The following TMEM8B variants were observed in gnomAD, a reference collection of about 807,000 sequenced individuals.
TMEM8B encodes the protein nasopharyngeal carcinoma expressed 6.
A neutral mutation model predicts 49.3 loss-of-function variants in TMEM8B; 29 were observed. That is an observed-to-expected ratio of 0.59 (90% CI 0.44 to 0.80). The LOEUF is 0.80. Among genes scored for constraint, TMEM8B ranks in the 30% least tolerant of loss-of-function variants. The probability of loss-of-function intolerance (pLI) is 0.00; values close to 1 mark genes in which losing one functional copy is unlikely to be tolerated. For missense variants in TMEM8B, 575 were observed against 658.5 expected, an observed-to-expected ratio of 0.87 and a Z score of 1.39; for synonymous variants, 264 against 272.8, an observed-to-expected ratio of 0.97 and a Z score of 0.32.
Position 35,841,099 on chromosome 9 carries a change from C to T in TMEM8B, c.907-35C>T. ...CTTGGTTTAGTCACACCCCTGCTGT[C>T]TCTCCCTCTCCTGCCACCCCTGCTT... On this transcript the variant is annotated intron_variant, in intron 3 of 12. Coordinates refer to ENST00000643932, the MANE Select transcript of TMEM8B (RefSeq NM_001042590.4). The surrounding 1 kb of genome is among the most constrained non-coding windows in gnomAD (Gnocchi z 5.9). The T allele has an allele frequency of 2.4e-6, 1 of 415,384 alleles. No homozygotes were observed. Among genetic ancestry groups the T allele is most frequent in the African/African-American group, 2.1e-5 (1 of 48,772 alleles). The allele number at this position is 415,384 out of a possible 1,614,324, so 25.7% of individuals were successfully genotyped here.
rs372498717 is a variant in TMEM8B at position 35,837,113 on chromosome 9, GA to G, written c.906+1897del. On this transcript the variant is annotated intron_variant, in intron 3 of 12. Coordinates refer to ENST00000643932, the MANE Select transcript of TMEM8B (RefSeq NM_001042590.4). ...CTATGGCATGCTTCCTGTAAGGCTT[GA>G]ACACAGGAATTTATGTGGGTTTAGG... Among the ~76,000 whole-genome samples, 258 of 152,222 alleles carry G rather than the reference GA, an allele frequency of 1.7e-3. 1 individual carries two copies. Among genetic ancestry groups the G allele is most frequent in the African/African-American group, 5.8e-3 (239 of 41,514 alleles).
In TMEM8B at chr9:35,858,646, C is replaced by T. The variant is rs1453294569; in HGVS notation, c.*4806C>T. ...GCCATTCACAAATCTCTCTGTCCCT[C>T]TCGTTTGCCATCCAGACACACGATA... On this transcript the variant is annotated 3_prime_UTR_variant, in exon 13 of 13. Coordinates refer to ENST00000643932, the MANE Select transcript of TMEM8B (RefSeq NM_001042590.4). 1.3e-5 allele frequency: 2 copies of T among 152,258 alleles called. No individual in the cohort carries two copies. The highest frequency in any genetic ancestry group is 4.8e-5 in the African/African-American group (2 of 41,460). 9.4% of individuals were successfully genotyped at this position (152,258 alleles called of 1,614,324 possible). A position where few individuals can be genotyped will look rare whatever the true frequency, so the allele number is the denominator to read the frequency against.
At chr9:35,846,727 G>T in intron 9 of TMEM8B, 90 bp from the exon 10 acceptor site, 1 of 1,543,792 alleles carries the variant, frequency 6.5e-7, no homozygotes, top group Non-Finnish European at 8.7e-7. Flanking sequence ...GGGTTTGGCA[G>T]AGCCGGGGTG....
Position 35,858,786 on chromosome 9 carries a change from A to C in TMEM8B, c.*4946A>C, listed in dbSNP as rs1832599609. 1 of 152,208 alleles carries C rather than the reference A, an allele frequency of 6.6e-6. No individual in the cohort carries two copies. The highest frequency in any genetic ancestry group is 2.4e-5 in the African/African-American group (1 of 41,428). 9.4% of individuals were successfully genotyped at this position (152,208 alleles called of 1,614,324 possible). A position where few individuals can be genotyped will look rare whatever the true frequency, so the allele number is the denominator to read the frequency against. ...GCCACTTCTGAGTAGAAGCTTTAAG[A>C]GTCAGTGTAGGCTTTGTTACTTTCC... On this transcript the variant is annotated 3_prime_UTR_variant, in exon 13 of 13. Transcript: ENST00000643932.
At chr9:35,848,120 C>T (rs934055875) in intron 10 of TMEM8B, among the ~76,000 whole-genome samples, 2 of 152,102 alleles carry the variant, frequency 1.3e-5, no homozygotes, top group Non-Finnish European at 2.9e-5. Flanking sequence ...TGGGAGAAAG[C>T]AGGGGCAAAT....
At chr9:35,846,105 TG>T (rs1831516587) in intron 7 of TMEM8B, 37 bp downstream of exon 7, 3 of 1,593,880 alleles carry the variant, frequency 1.9e-6, no homozygotes, top group Admixed American at 3.4e-5. Context: ...GAAGCTGCAG[TG>T]TGGGGGTGGT....
At chr9:35,840,769 CAG>C (rs558668345) in intron 3 of TMEM8B, among the ~76,000 whole-genome samples, 9 of 152,116 alleles carry the variant, frequency 5.9e-5, no homozygotes, top group Non-Finnish European at 1.3e-4. Flanking sequence ...TGAGCCTGCT[CAG>C]GGAATGGGCT....
intron 1 of TMEM8B, among the ~76,000 whole-genome samples, chr9:35,833,024 AGACT>A (rs753127114): frequency 1.3e-5 from 2 of 152,164 alleles, no homozygotes; most frequent in Non-Finnish European, 2.9e-5. Context: ...TGAACTGGAC[AGACT>A]AGTCCTTGAG....
In TMEM8B at chr9:35,834,641, G is replaced by A. The variant is rs1192703233; in HGVS notation, c.689G>A (p.Ser230Asn). 2 of 415,724 alleles carry A rather than the reference G, an allele frequency of 4.8e-6. No homozygotes were observed. The highest frequency in any genetic ancestry group is 2.1e-5 in the African/African-American group (1 of 48,700). 25.8% of individuals were successfully genotyped at this position (415,724 alleles called of 1,614,324 possible). The change falls in exon 2 of 13, where the codon AGT (serine) becomes AAT (asparagine). Residue 230 changes from serine to asparagine, a missense_variant. Transcript: ENST00000643932. ...GTFGDHCPDQSVTVYFRSGAP... is the reference protein window; with the variant it reads ...GTFGDHCPDQNVTVYFRSGAP... ...TTTGGGGACCACTGCCCAGACCAAA[G>A]TGTGACTGTGTGAGTGTCTGAGTTA... is the stretch of plus-strand genomic sequence containing the variant.
At chr9:35,832,940 T>C (rs939988282) in intron 1 of TMEM8B, among the ~76,000 whole-genome samples, 4 of 152,188 alleles carry the variant, frequency 2.6e-5, no homozygotes, top group African/African-American at 9.6e-5. Context: ...GTAGCCTCTC[T>C]GGGTTCCTAG....
chr9:35,853,022 A>G lies in TMEM8B; in HGVS notation c.2322+49A>G, dbSNP rs760980879. On this transcript the variant is annotated intron_variant, in intron 11 of 12. Transcript: ENST00000643932. The surrounding 1 kb of genome is among the most constrained non-coding windows in gnomAD (Gnocchi z 4.2). The stretch of plus-strand genomic sequence containing the variant: ...GAACAACCATGGCCAAGTCTCCTTG[A>G]AATCCACTCCTGACCTCTCCCTGGG... 10 of 1,613,292 alleles carry G rather than the reference A, an allele frequency of 6.2e-6. No homozygotes were observed. In the South Asian group the frequency reaches 8.8e-5, roughly 14 times the overall value.
At chr9:35,848,420 C>T (rs190735255) in intron 10 of TMEM8B, among the ~76,000 whole-genome samples, 125 of 152,284 alleles carry the variant, frequency 8.2e-4, no homozygotes, top group African/African-American at 2.9e-3. Context: ...ACATGCAGAT[C>T]GAATGTGATT....
rs1832598731 is a variant in TMEM8B, at chr9:35,858,741, A to T, written c.*4901A>T. On this transcript the variant is annotated 3_prime_UTR_variant, in exon 13 of 13. Transcript: ENST00000643932. ...TGTTGCCATTGTGTTGGCCACTGAA[A>T]TGTAGGTGGAGGCAACACAGCCACT... is the stretch of plus-strand genomic sequence containing the variant. The T allele has an allele frequency of 6.6e-6, 1 of 152,226 alleles. No individual in the cohort carries two copies. The highest frequency in any genetic ancestry group is 2.4e-5 in the African/African-American group (1 of 41,446). The allele number at this position is 152,226 out of a possible 1,614,324, so 9.4% of individuals were successfully genotyped here. A position where few individuals can be genotyped will look rare whatever the true frequency, so the allele number is the denominator to read the frequency against.
rs1832544137 is a variant in TMEM8B at position 35,856,264 on chromosome 9, G to A, written c.*2424G>A. The A allele has an allele frequency of 6.6e-6, 1 of 152,246 alleles. No homozygotes were observed. The highest frequency in any genetic ancestry group is 2.4e-5 in the African/African-American group (1 of 41,450). 9.4% of individuals were successfully genotyped at this position (152,246 alleles called of 1,614,324 possible). ...TATAGTGCCTAGTCTGGTATGTGAT[G>A]TGGTCCAATATATGTTAGCTTAAGG... On this transcript the variant is annotated 3_prime_UTR_variant, in exon 13 of 13. Transcript: ENST00000643932.
Position 35,845,963 on chromosome 9 carries a change from T to C in TMEM8B, c.1636-12T>C, listed in dbSNP as rs1256866990. On this transcript the variant is annotated splice_polypyrimidine_tract_variant and intron_variant, in intron 6 of 12. Transcript: ENST00000643932. Reference sequence around the variant, plus strand: ...GATGTGGCGGCCTCACTTCCATACCTGCCCTCCCCAGAGCTCCGTGCGCCA... The same window carrying C: ...GATGTGGCGGCCTCACTTCCATACCCGCCCTCCCCAGAGCTCCGTGCGCCA... 2 of 1,613,780 alleles carry C rather than the reference T, an allele frequency of 1.2e-6. No homozygotes were observed. Among genetic ancestry groups the C allele is most frequent in the Non-Finnish European group, 8.5e-7 (1 of 1,179,832 alleles).
chr9:35,846,757 G>A, intron 9 of TMEM8B, 60 bp from the exon 10 acceptor site: 1 of 1,559,068 alleles, frequency 6.4e-7, no homozygotes, highest in Non-Finnish European at 8.7e-7. Flanking sequence ...TCCACAAGCT[G>A]TGGCGTAGGC....
intron 6 of TMEM8B, among the ~76,000 whole-genome samples, chr9:35,843,745 T>C (rs1831244728): frequency 6.6e-6 from 1 of 152,084 alleles, no homozygotes; most frequent in Admixed American, 6.5e-5. Context: ...TAGGGGAAAA[T>C]ATCTCCCTAA....
intron 3 of TMEM8B, among the ~76,000 whole-genome samples, chr9:35,837,780 C>G (rs1411047215): frequency 1.3e-5 from 2 of 152,128 alleles, no homozygotes. Context: ...CTATCAGCCA[C>G]TCTGTCTTGT....
At chr9:35,833,298 C>T (rs1830097557) in intron 1 of TMEM8B, 2 of 985,242 alleles carry the variant, frequency 2.0e-6, no homozygotes, top group Admixed American at 6.1e-5. Context: ...CGGGTCTGTC[C>T]TGAAGCTGCT....
Sources: allele counts gnomAD v4.1 joint callset (sites outside exome capture counted in the v4.1 genomes callset), GRCh38; gene constraint gnomAD v4.1.1; non-coding constraint Gnocchi (gnomAD v3.1); transcripts MANE v1.5; gene names NCBI Gene and HGNC (gene_info 2026-07-23, HGNC 2026-07-21).